Variants in MYH16 observed in about 807,000 individuals in gnomAD.
MYH16 encodes the protein myosin heavy chain 16.
At chr7:99,260,355 G>A in intron 12 of MYH16, 3 of 1,146,958 alleles carry the variant, frequency 2.6e-6, no homozygotes, top group Non-Finnish European at 3.8e-6. Context: ...TCTCAAAGGA[G>A]GGATTGGAGA....
At chr7:99,296,782 G>T in exon 34 of MYH16, 1 of 456,702 alleles carries the variant, frequency 2.2e-6, no homozygotes, top group South Asian at 1.5e-5. Flanking sequence ...GAAGTGTGAG[G>T]AGTTGCAGGT....
At chr7:99,308,309 A>C (rs1029445381), downstream of MYH16, among the ~76,000 whole-genome samples, 6 of 150,926 alleles carry the variant, frequency 4.0e-5, no homozygotes, top group South Asian at 8.4e-4. Context: ...AAAAAAAAAA[A>C]AAAAAAAAAA....
At chr7:99,309,874 A>C (rs1324126334), downstream of MYH16, among the ~76,000 whole-genome samples, 3 of 152,048 alleles carry the variant, frequency 2.0e-5, no homozygotes, top group Non-Finnish European at 4.4e-5. Flanking sequence ...TTTATTTAAT[A>C]AGCCAGGCAT....
chr7:99,305,886 G>A (rs1411046876), exon 41 of MYH16: 1 of 152,986 alleles, frequency 6.5e-6, no homozygotes, highest in East Asian at 1.9e-4. Flanking sequence ...AGCACGTGGA[G>A]ACAGTCAAGA....
chr7:99,249,061 C>T (rs4255064), intron 4 of MYH16: 130,683 of 152,686 alleles, frequency 0.86, 56,501 homozygotes, highest in Middle Eastern at 0.94. Flanking sequence ...TATAATTAGA[C>T]CTGTGTCTTA....
chr7:99,268,249 T>C (rs1191795302), intron 18 of MYH16, among the ~76,000 whole-genome samples: 1 of 152,216 alleles, frequency 6.6e-6, no homozygotes, highest in Admixed American at 6.5e-5. Flanking sequence ...ACTTGAGGTT[T>C]GGAGACAGGA....
intron 2 of MYH16, among the ~76,000 whole-genome samples, chr7:99,246,844 C>T (rs936635263): frequency 3.3e-5 from 5 of 152,118 alleles, no homozygotes; most frequent in African/African-American, 1.2e-4. Flanking sequence ...ACAGTGTTAC[C>T]TATTCAAATC....
At chr7:99,282,466 TA>T (rs1275883289) in intron 23 of MYH16, among the ~76,000 whole-genome samples, 19 of 147,570 alleles carry the variant, frequency 1.3e-4, no homozygotes. Context: ...CATAACATTT[TA>T]TTTTTTTTTA....
At chr7:99,267,702 C>T (rs1306278156) in intron 18 of MYH16, among the ~76,000 whole-genome samples, 1 of 152,220 alleles carries the variant, frequency 6.6e-6, no homozygotes. Context: ...GCTCCTGACT[C>T]ATGGGGCCCG....
intron 20 of MYH16, among the ~76,000 whole-genome samples, chr7:99,276,759 A>G (rs1299247388): frequency 1.3e-5 from 2 of 152,216 alleles, no homozygotes; most frequent in Non-Finnish European, 2.9e-5. Flanking sequence ...TTCATGTTAG[A>G]CAGAAGATGA....
chr7:99,267,821 C>A (rs527916197), intron 18 of MYH16, among the ~76,000 whole-genome samples: 113 of 152,304 alleles, frequency 7.4e-4, no homozygotes, highest in South Asian at 8.3e-4. Flanking sequence ...CCCTGCCCCC[C>A]ACAACAAACT....
chr7:99,263,644 C>T (rs944399652), intron 14 of MYH16, among the ~76,000 whole-genome samples: 1 of 152,116 alleles, frequency 6.6e-6, no homozygotes, highest in African/African-American at 2.4e-5. Context: ...GATGATACTG[C>T]AAAAGAGGCA....
rs576167566 is a variant in MYH16, at chr7:99,279,750, CG to C, written n.2887+17del. ...GAAGGAGAAGCAGGTGAGGAGAGGC[CG>C]GGGCCCTGCCACGCTTTTCTCAGGC... On this transcript the variant is annotated intron_variant and non_coding_transcript_variant, in intron 22 of 41. Coordinates refer to ENST00000439784, the Ensembl canonical transcript of MYH16. 2.1e-3 allele frequency: 948 copies of C among 452,576 alleles called. 21 individuals are homozygous for C. The Admixed American group carries it at 0.022, about 10-fold the overall frequency. The allele number at this position is 452,576 out of a possible 1,614,324, so 28.0% of individuals were successfully genotyped here.
chr7:99,259,682 T>A (rs148066969), intron 11 of MYH16, among the ~76,000 whole-genome samples: 96 of 151,002 alleles, frequency 6.4e-4, no homozygotes, highest in African/African-American at 2.0e-3. Flanking sequence ...GGAGACCTCA[T>A]CTCTTTAATA....
At chr7:99,293,532 G>C (rs11974885) in intron 32 of MYH16, among the ~76,000 whole-genome samples, 21,427 of 152,038 alleles carry the variant, frequency 0.14, 2,189 homozygotes, top group African/African-American at 0.29. Flanking sequence ...CTCTGCCCCA[G>C]ACACCCTCAG....
At chr7:99,239,298 G>A (rs763692965) in intron 1 of MYH16, among the ~76,000 whole-genome samples, 4 of 152,220 alleles carry the variant, frequency 2.6e-5, no homozygotes, top group East Asian at 1.9e-4. Flanking sequence ...AGTACCGTGC[G>A]TAAGGGATGA....
intron 38 of MYH16, among the ~76,000 whole-genome samples, chr7:99,302,341 CA>C (rs1792611323): frequency 6.8e-6 from 1 of 147,758 alleles, no homozygotes; most frequent in Non-Finnish European, 1.5e-5. Context: ...CACACACACA[CA>C]CACACACACA....
chr7:99,287,135 G>A (rs1203243666), intron 28 of MYH16, among the ~76,000 whole-genome samples: 1 of 152,182 alleles, frequency 6.6e-6, no homozygotes, highest in African/African-American at 2.4e-5. Context: ...GGGTGAACAG[G>A]CTCCTGAATG....
chr7:99,306,626 G>C (rs1319835935), exon 42 of MYH16: 1 of 152,706 alleles, frequency 6.5e-6, no homozygotes, highest in Non-Finnish European at 1.5e-5. Context: ...AGGCCAACCA[G>C]ACCTTGGCTC....
Sources: gnomAD v4.1 joint callset for allele counts (sites outside exome capture counted in the v4.1 genomes callset) on GRCh38, gnomAD v4.1.1 for gene constraint, MANE v1.5 for transcripts, NCBI Gene and HGNC (gene_info 2026-07-23, HGNC 2026-07-21) for gene names.